The following EDEM3 variants were observed in gnomAD, a reference collection of about 807,000 sequenced individuals.
EDEM3 encodes ER degradation-enhancing alpha-mannosidase-like protein 3.
Under a neutral mutation model 110.2 loss-of-function variants are expected in EDEM3, and 60 were observed. The ratio of observed to expected loss-of-function variants is 0.54; its 90% CI spans 0.44 to 0.67. The LOEUF (loss-of-function observed/expected upper bound fraction) is 0.67, where lower values mean the gene tolerates loss of function less well. Ranked by LOEUF, EDEM3 falls within the 30% of genes least tolerant of loss-of-function variation. The probability of loss-of-function intolerance (pLI) is 0.00; values close to 1 mark genes in which losing one functional copy is unlikely to be tolerated. For synonymous variants in EDEM3, 352 were observed against 382.9 expected (o/e 0.92, Z 0.94); for missense variants, 996 against 1,121.0 (o/e 0.89, Z 1.59).
intron 8 of EDEM3, 71 bp from the exon 9 acceptor site, chr1:184,721,457 C>T: frequency 7.1e-6 from 8 of 1,119,938 alleles, no homozygotes; most frequent in Middle Eastern, 2.3e-4. Context: ...AAAAATAGCA[C>T]TCCTTAGATT....
Position 184,712,364 on chromosome 1 carries a change from C to A in EDEM3, c.1536+69G>T, listed in dbSNP as rs187143491. On this transcript the variant is annotated intron_variant, in intron 14 of 19. Transcript: ENST00000318130. ...TTTATTGAATTCTACTCATGGATTA[C>A]TTTTCACTTGGAAAAATAAAACATG... 706 of 1,388,802 alleles carry A rather than the reference C, an allele frequency of 5.1e-4. 1 individual carries two copies. Among genetic ancestry groups the A allele is most frequent in the Non-Finnish European group, 6.5e-4 (661 of 1,018,028 alleles). 86.0% of individuals were successfully genotyped at this position (1,388,802 alleles called of 1,614,324 possible).
rs1307869024 is a variant in EDEM3, at chr1:184,730,719, T to C, written c.612+2118A>G. On this transcript the variant is annotated intron_variant, in intron 6 of 19. Coordinates refer to ENST00000318130, the MANE Select transcript of EDEM3 (RefSeq NM_025191.4). ...TGCTAGTCACAACTCACTAAATTGA[T>C]AGGTAAAGCATTGCCCTATATCATG... is the stretch of plus-strand genomic sequence containing the variant. 2.0e-5 allele frequency among the ~76,000 whole-genome samples: 3 copies of C among 152,232 alleles called. No individual in the cohort carries two copies. In the South Asian group the frequency reaches 6.2e-4, roughly 32 times the overall value.
Position 184,733,000 on chromosome 1 carries a change from C to G in EDEM3, c.459-10G>C, listed in dbSNP as rs746090883. The G allele has an allele frequency of 6.2e-7, 1 of 1,611,848 alleles. No homozygotes were observed. Among genetic ancestry groups the G allele is most frequent in the Admixed American group, 1.7e-5 (1 of 59,774 alleles). On this transcript the variant is annotated splice_polypyrimidine_tract_variant and intron_variant, in intron 5 of 19. Coordinates refer to ENST00000318130, the MANE Select transcript of EDEM3 (RefSeq NM_025191.4). ...CCCACCCAAAAGACCCCTAGGATCACAGAGATGAAACATTATCCATATCTT... is the reference window on the plus strand; with the variant it reads ...CCCACCCAAAAGACCCCTAGGATCAGAGAGATGAAACATTATCCATATCTT...
Position 184,749,563 on chromosome 1 carries a change from G to T in EDEM3, c.188C>A (p.Ala63Asp). ...GNQVLEMFDHAYGNYMEHAYP... is the reference protein window; with the variant it reads ...GNQVLEMFDHDYGNYMEHAYP... ...CCTACTTACCATATAGTTACCATAAGCATGATCAAACATTTCCAGTACTTG... is the reference window on the plus strand; with the variant it reads ...CCTACTTACCATATAGTTACCATAATCATGATCAAACATTTCCAGTACTTG... Residue 63 changes from alanine (A) to aspartate (D), a missense_variant, in exon 2 of 20, where the codon GCT (alanine) becomes GAT (aspartate). Physicochemically the swap from Ala to Asp is moderately radical, Grantham distance 126. This residue lies in a region of EDEM3 where 200 missense variants were observed against 183.8 expected (regional missense o/e 1.09). Coordinates refer to ENST00000318130, the MANE Select transcript of EDEM3 (RefSeq NM_025191.4). 6.4e-7 allele frequency: 1 copy of T among 1,558,026 alleles called. No individual in the cohort carries two copies. The highest frequency in any genetic ancestry group is 8.7e-7 in the Non-Finnish European group (1 of 1,152,832).
At chr1:184,737,209 G>T in intron 3 of EDEM3, 145 bp from the exon 4 acceptor site, 1 of 668,080 alleles carries the variant, frequency 1.5e-6, no homozygotes, top group Non-Finnish European at 2.6e-6. Flanking sequence ...AAACCTATAA[G>T]GCTCTGAAAG....
chr1:184,747,426 G>T (rs971080), intron 2 of EDEM3, among the ~76,000 whole-genome samples: 60,330 of 151,972 alleles, frequency 0.4, 12,654 homozygotes, highest in East Asian at 0.6. Flanking sequence ...CTGTATTCTC[G>T]TTAATATTTT....
At chr1:184,725,374 A>G (rs1651132954) in intron 7 of EDEM3, among the ~76,000 whole-genome samples, 1 of 152,136 alleles carries the variant, frequency 6.6e-6, no homozygotes, top group Admixed American at 6.5e-5. Context: ...CTGAGAGTGT[A>G]GTTATTAAAG....
Position 184,702,943 on chromosome 1 carries a change from C to T in EDEM3, c.2257G>A (p.Asp753Asn), listed in dbSNP as rs751608954. The stretch of plus-strand genomic sequence containing the variant: ...TTGATGTCATCTGTATCCTTTCCAT[C>T]ACCTGCCATCTGGAACAGAGGGGCA... ...DTAPLFQMAG[D>N]GKDTDDIKIP... The change falls in exon 19 of 20, where the codon GAT becomes AAT. Residue 753 changes from aspartate (D) to asparagine (N), a missense_variant. Physicochemically the swap from Asp to Asn is conservative, Grantham distance 23 (BLOSUM62 1). Transcript: ENST00000318130. 3 of 1,613,178 alleles carry T rather than the reference C, an allele frequency of 1.9e-6. No homozygotes were observed. In the South Asian group the frequency reaches 3.3e-5, roughly 18 times the overall value.
At chr1:184,746,292 G>T (rs954185517) in intron 2 of EDEM3, among the ~76,000 whole-genome samples, 1 of 152,206 alleles carries the variant, frequency 6.6e-6, no homozygotes, top group African/African-American at 2.4e-5. Context: ...TACATTAATA[G>T]AAAGTAAGTT....
At chr1:184,754,350 C>T in intron 1 of EDEM3, 139 bp downstream of exon 1, 1 of 1,364,682 alleles carries the variant, frequency 7.3e-7, no homozygotes, top group Non-Finnish European at 9.8e-7. Flanking sequence ...ACCCTGTCCA[C>T]CCCTCTAGGG....
intron 11 of EDEM3, 51 bp from the exon 12 acceptor site, chr1:184,717,674 G>C (rs1413786230): frequency 7.1e-7 from 1 of 1,405,936 alleles, no homozygotes; most frequent in African/African-American, 1.5e-5. Context: ...AAATACACAA[G>C]TAGTTCCAGA....
intron 1 of EDEM3, among the ~76,000 whole-genome samples, chr1:184,752,740 T>C (rs984795285): frequency 1.3e-5 from 2 of 152,268 alleles, no homozygotes; most frequent in Admixed American, 6.5e-5. Context: ...CCAAGTCTAA[T>C]GAACGTGCAA....
chr1:184,723,530 T>A (rs565334141), intron 8 of EDEM3, among the ~76,000 whole-genome samples: 4 of 152,168 alleles, frequency 2.6e-5, no homozygotes, highest in African/African-American at 9.6e-5. Context: ...ATACCTATAA[T>A]GCTATATCCA....
At chr1:184,736,807 G>A (rs113386658) in intron 4 of EDEM3, among the ~76,000 whole-genome samples, 10 of 152,244 alleles carry the variant, frequency 6.6e-5, no homozygotes, top group African/African-American at 2.2e-4. Flanking sequence ...CATTACATAA[G>A]CTGACATCCC....
chr1:184,709,821 A>C (rs994677081), intron 16 of EDEM3, among the ~76,000 whole-genome samples: 1 of 152,212 alleles, frequency 6.6e-6, no homozygotes, highest in Non-Finnish European at 1.5e-5. Context: ...TCTAGGTTAA[A>C]AATTATTCAG....
At chr1:184,712,677 G>C (rs1249841472) in intron 13 of EDEM3, 79 bp from the exon 14 acceptor site, 44 of 988,042 alleles carry the variant, frequency 4.5e-5, no homozygotes, top group Non-Finnish European at 5.9e-5. Context: ...ATAGAGTCAA[G>C]GTTAATAATC....
chr1:184,731,062 T>C (rs1161620613), intron 6 of EDEM3, among the ~76,000 whole-genome samples: 1 of 152,074 alleles, frequency 6.6e-6, no homozygotes, highest in Admixed American at 6.5e-5. Flanking sequence ...TTGACAAAAA[T>C]TAGATTTTAG....
chr1:184,707,912 A>G (rs562122479), intron 17 of EDEM3, among the ~76,000 whole-genome samples: 1 of 152,360 alleles, frequency 6.6e-6, no homozygotes, highest in South Asian at 2.1e-4. Flanking sequence ...ATTAGAGAAG[A>G]GACCAAGAAA....
chr1:184,726,424 T>C (rs1004714984), intron 6 of EDEM3, 35 bp from the exon 7 acceptor site: 6 of 1,600,496 alleles, frequency 3.7e-6, no homozygotes, highest in Non-Finnish European at 5.1e-6. Flanking sequence ...TTAGCAGTTA[T>C]CAAGACAATG....
Sources: allele counts gnomAD v4.1 joint callset (sites outside exome capture counted in the v4.1 genomes callset), GRCh38; gene constraint gnomAD v4.1.1; regional missense constraint gnomAD v4.1.1; transcripts MANE v1.5; gene names NCBI Gene and HGNC (gene_info 2026-07-23, HGNC 2026-07-21).